CDH4: variants seen among roughly 807,000 people sequenced by gnomAD.
CDH4 encodes the protein cadherin 4.
CDH4 carries 33 observed loss-of-function variants against 86.0 expected under a neutral mutation model. The observed-to-expected ratio is 0.38, with a 90% CI of 0.29 to 0.51. The LOEUF (loss-of-function observed/expected upper bound fraction) is 0.51. Ranked by LOEUF, CDH4 falls within the 20% of genes least tolerant of loss-of-function variation. The pLI is 0.86. For synonymous variants in CDH4, 555 were observed against 549.4 expected (o/e 1.01, Z -0.14); for missense variants, 1,114 against 1,307.4 (o/e 0.85, Z 2.28).
chr20:61,641,000 G>A (rs533752643), intron 2 of CDH4, among the ~76,000 whole-genome samples: 392 of 152,306 alleles, frequency 2.6e-3, no homozygotes, highest in African/African-American at 8.3e-3. Flanking sequence ...TGGTGGCTAC[G>A]TTTGCTGCAC....
chr20:61,872,432 G>A (rs1983845505), intron 6 of CDH4, among the ~76,000 whole-genome samples: 1 of 152,146 alleles, frequency 6.6e-6, no homozygotes, highest in Non-Finnish European at 1.5e-5. Flanking sequence ...TCCCAAGGCT[G>A]GTGTGGCGAG....
rs146367557 is a variant in CDH4 at position 61,427,732 on chromosome 20, C to T, written c.169+172795C>T. 3.2e-4 allele frequency among the ~76,000 whole-genome samples: 49 copies of T among 152,090 alleles called. No individual in the cohort carries two copies. The East Asian group carries it at 8.2e-3, about 25-fold the overall frequency. Reference sequence around the variant, plus strand: ...TTCGTGACAGGCAAATGTCTACCCACGCATTATTTGTCTCTGTGCAAGCAG... The same window carrying T: ...TTCGTGACAGGCAAATGTCTACCCATGCATTATTTGTCTCTGTGCAAGCAG... On this transcript the variant is annotated intron_variant, in intron 2 of 15. Coordinates refer to ENST00000614565, the MANE Select transcript of CDH4 (RefSeq NM_001794.5).
chr20:61,592,953 C>T (rs8121592), intron 2 of CDH4, among the ~76,000 whole-genome samples: 5 of 152,184 alleles, frequency 3.3e-5, no homozygotes, highest in South Asian at 2.1e-4. Flanking sequence ...TTGAAATGAT[C>T]CCGGGTTACC....
chr20:61,414,168 T>C (rs188086180), intron 2 of CDH4, among the ~76,000 whole-genome samples: 82 of 152,338 alleles, frequency 5.4e-4, no homozygotes, highest in African/African-American at 1.9e-3. Context: ...TCTGTGCTGC[T>C]GGGGGTTAAG....
intron 6 of CDH4, among the ~76,000 whole-genome samples, chr20:61,871,677 G>T (rs1983808872): frequency 6.6e-6 from 1 of 152,096 alleles, no homozygotes; most frequent in Non-Finnish European, 1.5e-5. Flanking sequence ...AAGTGGTGGG[G>T]ACATCGTGAT....
At chr20:61,550,305 ACTGGCCTCCCTAGCCTGCTTCC>A (rs1288275305) in intron 2 of CDH4, among the ~76,000 whole-genome samples, 145 of 60,862 alleles carry the variant, frequency 2.4e-3, no homozygotes, top group Middle Eastern at 0.032. Flanking sequence ...CCCCAACCTC[ACTGGCCTCCCTAGCCTGCTTCC>A]CTGGCCTCCC....
At chr20:61,283,598 G>A (rs2084276837) in intron 2 of CDH4, among the ~76,000 whole-genome samples, 1 of 152,004 alleles carries the variant, frequency 6.6e-6, no homozygotes, top group Admixed American at 6.5e-5. Flanking sequence ...TGGTGTGTGT[G>A]ATGTGTGTGC....
intron 2 of CDH4, among the ~76,000 whole-genome samples, chr20:61,379,130 T>C (rs1300065810): frequency 1.4e-5 from 2 of 145,776 alleles, no homozygotes; most frequent in African/African-American, 5.6e-5. Context: ...ACTGGGCACG[T>C]GGCCTGCCTG....
intron 2 of CDH4, among the ~76,000 whole-genome samples, chr20:61,554,274 G>A (rs768453357): frequency 7.9e-5 from 12 of 152,136 alleles, no homozygotes; most frequent in South Asian, 6.2e-4. Context: ...CCCAGCTCCC[G>A]TAGGTGAATC....
At chr20:61,411,112 G>A (rs2798591) in intron 2 of CDH4, among the ~76,000 whole-genome samples, 129,455 of 151,108 alleles carry the variant, frequency 0.86, 55,669 homozygotes, top group East Asian at 1. Context: ...TCATTCATCC[G>A]TCTTTCCTTC....
Position 61,829,298 on chromosome 20 carries a change from G to A in CDH4, c.577-15370G>A, listed in dbSNP as rs552533305. On this transcript the variant is annotated intron_variant, in intron 4 of 15. Transcript: ENST00000614565. This position sits in a 1 kb window ranked among gnomAD's most constrained non-coding sequence, Gnocchi z 4.2. ...TCCGGCTTCTTTCGCTGAGCATAATGTTTTCAAGGTTCAGCCATGCTGCAG... is the reference window on the plus strand; with the variant it reads ...TCCGGCTTCTTTCGCTGAGCATAATATTTTCAAGGTTCAGCCATGCTGCAG... Among the ~76,000 whole-genome samples the A allele has an allele frequency of 6.6e-6, 1 of 152,226 alleles. No individual in the cohort carries two copies. The highest frequency in any genetic ancestry group is 1.5e-5 in the Non-Finnish European group (1 of 68,044).
At chr20:61,646,191 G>C (rs2087059371) in intron 2 of CDH4, among the ~76,000 whole-genome samples, 1 of 152,064 alleles carries the variant, frequency 6.6e-6, no homozygotes, top group Admixed American at 6.6e-5. Flanking sequence ...GCTCATTAAA[G>C]AACCCGGCAC....
chr20:61,611,517 C>A (rs927517125), intron 2 of CDH4, among the ~76,000 whole-genome samples: 11 of 151,986 alleles, frequency 7.2e-5, no homozygotes, highest in African/African-American at 2.7e-4. Flanking sequence ...GGCAAGGCTC[C>A]CTCTGGCTTC....
rs377418331 is a variant in CDH4, at chr20:61,417,231, G to T, written c.169+162294G>T. Among the ~76,000 whole-genome samples the T allele has an allele frequency of 4.6e-5, 7 of 152,032 alleles. No individual in the cohort carries two copies. In the East Asian group the frequency reaches 1.4e-3, roughly 29 times the overall value. On this transcript the variant is annotated intron_variant, in intron 2 of 15. Coordinates refer to ENST00000614565, the MANE Select transcript of CDH4 (RefSeq NM_001794.5). The surrounding 1 kb of genome is among the most constrained non-coding windows in gnomAD (Gnocchi z 4.0). The stretch of plus-strand genomic sequence containing the variant: ...GACTCACTCTTTCTCTCTTGGTCGT[G>T]CTCTCTCTTCCCCCTCCCTCTCACT...
At chr20:61,547,282 G>A (rs984174352) in intron 2 of CDH4, among the ~76,000 whole-genome samples, 16 of 143,952 alleles carry the variant, frequency 1.1e-4, no homozygotes, top group South Asian at 2.2e-4. Flanking sequence ...GCTGGATCTC[G>A]GCTCACTGCA....
chr20:61,895,101 A>C, intron 8 of CDH4, 54 bp downstream of exon 8: 3 of 1,590,428 alleles, frequency 1.9e-6, no homozygotes, highest in Non-Finnish European at 1.7e-6. Flanking sequence ...GCAGGAATGC[A>C]CTGGCGTGCG....
At chr20:61,667,165 G>C (rs2087335122) in intron 2 of CDH4, among the ~76,000 whole-genome samples, 1 of 151,852 alleles carries the variant, frequency 6.6e-6, no homozygotes, top group African/African-American at 2.4e-5. Flanking sequence ...CCAGCACCTG[G>C]AGCCACAGTG....
chr20:61,726,735 C>T (rs1027534707), intron 2 of CDH4, among the ~76,000 whole-genome samples: 1 of 151,942 alleles, frequency 6.6e-6, no homozygotes, highest in Non-Finnish European at 1.5e-5. Flanking sequence ...CCATCATCAC[C>T]ATTGCTGCCA....
intron 2 of CDH4, among the ~76,000 whole-genome samples, chr20:61,704,071 C>T (rs751876619): frequency 1.4e-4 from 21 of 151,944 alleles, no homozygotes; most frequent in Non-Finnish European, 3.1e-4. Flanking sequence ...CTGGAAGAAG[C>T]AGCAGAATTC....
Sources: gnomAD v4.1 joint callset for allele counts (sites outside exome capture counted in the v4.1 genomes callset) on GRCh38, gnomAD v4.1.1 for gene constraint, Gnocchi (gnomAD v3.1) non-coding constraint, MANE v1.5 for transcripts, NCBI Gene and HGNC (gene_info 2026-07-23, HGNC 2026-07-21) for gene names.